The following AKR1C4 variants were observed in gnomAD, a reference collection of about 807,000 sequenced individuals.
AKR1C4 encodes aldo-keto reductase family 1 member C4.
AKR1C4 carries 44 observed loss-of-function variants against 41.0 expected under a neutral mutation model. That is an observed-to-expected ratio of 1.07 (90% CI 0.84 to 1.38). The LOEUF is 1.38. Ranked by LOEUF, AKR1C4 falls within the 40% of genes most tolerant of loss-of-function variation. The pLI is 0.00. For synonymous variants in AKR1C4, 165 were observed against 137.7 expected (o/e 1.20, Z -1.39); for missense variants, 438 against 387.9 (o/e 1.13, Z -1.09).
At chr10:5,218,338 A>G (rs1345211971) in intron 8 of AKR1C4, among the ~76,000 whole-genome samples, 1 of 152,240 alleles carries the variant, frequency 6.6e-6, no homozygotes, top group Non-Finnish European at 1.5e-5. Flanking sequence ...CTTTTTGTTA[A>G]TGATGAACAT....
At chr10:5,212,886 C>T in intron 6 of AKR1C4, 108 bp from the exon 7 acceptor site, 1 of 1,465,598 alleles carries the variant, frequency 6.8e-7, no homozygotes, top group South Asian at 1.3e-5. Flanking sequence ...GTTCAGGGAC[C>T]TCACTTGAGA....
chr10:5,200,293 G>T lies in AKR1C4; in HGVS notation c.197G>T (p.Arg66Leu), dbSNP rs782235828. The change falls in exon 2 of 9, where the codon CGA becomes CTA. Residue 66 changes from arginine to leucine, a missense_variant. Arg to Leu is a moderately radical substitution (Grantham distance 102). Transcript: ENST00000263126. ...NNEEQVGLAI[R>L]SKIADGSVKR... ...GAGGAGCAGGTTGGACTGGCCATCC[G>T]AAGCAAGATTGCAGATGGCAGTGTG... 1 of 1,614,160 alleles carries T rather than the reference G, an allele frequency of 6.2e-7. No individual in the cohort carries two copies. The highest frequency in any genetic ancestry group is 8.5e-7 in the Non-Finnish European group (1 of 1,179,992).
chr10:5,212,176 A>G (rs1832585638), intron 5 of AKR1C4, among the ~76,000 whole-genome samples: 4 of 152,204 alleles, frequency 2.6e-5, no homozygotes, highest in Admixed American at 2.0e-4. Flanking sequence ...GTTTTGCTAT[A>G]ATTTGTAATT....
chr10:5,216,703 T>C lies in AKR1C4; in HGVS notation c.847-8T>C, dbSNP rs1554798541. 6.2e-7 allele frequency: 1 copy of C among 1,602,292 alleles called. No individual in the cohort carries two copies. Among genetic ancestry groups the C allele is most frequent in the Admixed American group, 1.7e-5 (1 of 59,506 alleles). ...TCTAAGAATAAACATTTTCTACTTC[T>C]TTGGTAGGTTTTTGAATTCCAGTTG... On this transcript the variant is annotated splice_region_variant and splice_polypyrimidine_tract_variant and intron_variant, in intron 7 of 8. Transcript: ENST00000263126.
chr10:5,201,599 T>G (rs1832401435), intron 2 of AKR1C4, among the ~76,000 whole-genome samples: 1 of 152,226 alleles, frequency 6.6e-6, no homozygotes, highest in Non-Finnish European at 1.5e-5. Context: ...AGAATCTTTT[T>G]AGTTTAATTA....
At chr10:5,205,974 GTAGGGAAGAATACAT>G in intron 4 of AKR1C4, 140 bp downstream of exon 4, 1 of 991,754 alleles carries the variant, frequency 1.0e-6, no homozygotes, top group South Asian at 1.7e-5. Flanking sequence ...TTGCTGAGTG[GTAGGGAAGAATACAT>G]GACTGAAATA....
intron 5 of AKR1C4, among the ~76,000 whole-genome samples, chr10:5,207,951 A>G (rs1276983038): frequency 1.3e-5 from 2 of 151,868 alleles, no homozygotes; most frequent in Admixed American, 6.5e-5. Flanking sequence ...TCTTCTCCCT[A>G]GCCCACAAAT....
Position 5,212,598 on chromosome 10 carries a change from T to C in AKR1C4, c.571-18T>C, listed in dbSNP as rs1554798043. ...TGTTTTGAATTATCTGATGCTTTTC[T>C]CTCTTGATCATCTAAAGGTAGAATG... On this transcript the variant is annotated intron_variant, in intron 5 of 8. Transcript: ENST00000263126. 1 of 1,592,520 alleles carries C rather than the reference T, an allele frequency of 6.3e-7. No individual in the cohort carries two copies. Among genetic ancestry groups the C allele is most frequent in the Non-Finnish European group, 8.6e-7 (1 of 1,168,272 alleles).
chr10:5,198,353 G>A (rs781910651), intron 1 of AKR1C4, among the ~76,000 whole-genome samples: 1 of 152,158 alleles, frequency 6.6e-6, no homozygotes, highest in Non-Finnish European at 1.5e-5. Flanking sequence ...AGCCTGGCTG[G>A]TATCTGAGAA....
At chr10:5,197,057 C>T (rs1832321924) in intron 1 of AKR1C4, 106 bp downstream of exon 1, 3 of 1,104,004 alleles carry the variant, frequency 2.7e-6, no homozygotes, top group Non-Finnish European at 4.2e-6. Context: ...CTGAGTGACT[C>T]ACGTGGTCTG....
chr10:5,204,372 T>C lies in AKR1C4; in HGVS notation c.253-5T>C. On this transcript the variant is annotated splice_polypyrimidine_tract_variant and splice_region_variant and intron_variant, in intron 2 of 8. Transcript: ENST00000263126. ...TCAACATAAATCCTTTATTTTACCA[T>C]GCAGCTTTGGTGCACTTTCTTTCAA... 1 of 1,602,292 alleles carries C rather than the reference T, an allele frequency of 6.2e-7. No individual in the cohort carries two copies.
intron 1 of AKR1C4, among the ~76,000 whole-genome samples, chr10:5,199,563 T>TAC (rs1366619341): frequency 1.3e-5 from 2 of 151,990 alleles, no homozygotes; most frequent in Admixed American, 1.3e-4. Context: ...GGCAGAGGAA[T>TAC]ACACAGGTGG....
At chr10:5,200,695 T>C (rs1246724548) in intron 2 of AKR1C4, among the ~76,000 whole-genome samples, 1 of 152,190 alleles carries the variant, frequency 6.6e-6, no homozygotes, top group African/African-American at 2.4e-5. Context: ...GAGATTTAAG[T>C]GAAGCTGTCA....
rs2132137855 is a variant in AKR1C4 at position 5,213,013 on chromosome 10, G to A, written c.700G>A (p.Val234Ile). 6.2e-7 allele frequency: 1 copy of A among 1,614,102 alleles called. No individual in the cohort carries two copies. The highest frequency in any genetic ancestry group is 8.5e-7 in the Non-Finnish European group (1 of 1,179,990). Residue 234 changes from valine to isoleucine, a missense_variant, in exon 7 of 9, where the codon GTT (valine) becomes ATT (isoleucine). By Grantham distance (29) the Val-to-Ile change is conservative. Transcript: ENST00000263126. ...TTCCAGGGTGGACCCAAACTCCCCAGTTCTTTTGGAGGACCCAGTTCTTTG... is the reference window on the plus strand; with the variant it reads ...TTCCAGGGTGGACCCAAACTCCCCAATTCTTTTGGAGGACCCAGTTCTTTG... The part of the protein sequence containing the change: ...HKLWVDPNSP[V>I]LLEDPVLCAL...
intron 2 of AKR1C4, among the ~76,000 whole-genome samples, chr10:5,204,080 A>T (rs1554797202): frequency 6.6e-6 from 1 of 152,234 alleles, no homozygotes; most frequent in African/African-American, 2.4e-5. Context: ...TGGATGAGAA[A>T]AATTAGACTA....
intron 2 of AKR1C4, among the ~76,000 whole-genome samples, chr10:5,201,288 T>A (rs1832398162): frequency 6.6e-6 from 1 of 152,198 alleles, no homozygotes; most frequent in Non-Finnish European, 1.5e-5. Context: ...TTCAGCTTTT[T>A]AATTATAACC....
chr10:5,215,047 C>CA (rs1832635341), intron 7 of AKR1C4, among the ~76,000 whole-genome samples: 1 of 152,126 alleles, frequency 6.6e-6, no homozygotes. Flanking sequence ...ATTTGGATTT[C>CA]AGTATTTCTA....
At chr10:5,218,572 T>G (rs1683802079) in intron 8 of AKR1C4, 146 bp from the exon 9 acceptor site, 3 of 591,090 alleles carry the variant, frequency 5.1e-6, no homozygotes, top group Non-Finnish European at 8.8e-6. Flanking sequence ...TATAAACTCA[T>G]GTTCATGAAA....
chr10:5,215,544 T>C (rs903087477), intron 7 of AKR1C4, among the ~76,000 whole-genome samples: 1 of 152,198 alleles, frequency 6.6e-6, no homozygotes, highest in Non-Finnish European at 1.5e-5. Context: ...CCATACCTGA[T>C]CATAGGCTGT....
Sources: allele counts gnomAD v4.1 joint callset (sites outside exome capture counted in the v4.1 genomes callset), GRCh38; gene constraint gnomAD v4.1.1; transcripts MANE v1.5; gene names NCBI Gene and HGNC (gene_info 2026-07-23, HGNC 2026-07-21).